TGS1: variants seen among roughly 807,000 people sequenced by gnomAD.
TGS1 encodes the protein trimethylguanosine synthase.
A neutral mutation model predicts 92.2 loss-of-function variants in TGS1; 69 were observed. The ratio of observed to expected loss-of-function variants is 0.75; its 90% CI spans 0.62 to 0.91. The LOEUF (loss-of-function observed/expected upper bound fraction) is 0.91, where lower values mean the gene tolerates loss of function less well. TGS1 is among the 40% of genes least tolerant of loss of function. TGS1 has a pLI of 0.00. For missense variants in TGS1, 1,062 were observed against 1,001.2 expected, an observed-to-expected ratio of 1.06 and a Z score of -0.82; for synonymous variants, 345 against 338.1, an observed-to-expected ratio of 1.02 and a Z score of -0.22.
At chr8:55,778,378 T>C (rs902701352) in intron 1 of TGS1, among the ~76,000 whole-genome samples, 3 of 152,188 alleles carry the variant, frequency 2.0e-5, no homozygotes, top group Non-Finnish European at 4.4e-5. Flanking sequence ...AGAACATGAT[T>C]TCATTGAATC....
chr8:55,816,725 T>C lies in TGS1; in HGVS notation c.2439+3607T>C, dbSNP rs578162001. Among the ~76,000 whole-genome samples the C allele has an allele frequency of 1.2e-3, 183 of 152,320 alleles. 1 individual carries two copies. The highest frequency in any genetic ancestry group is 4.2e-3 in the African/African-American group (173 of 41,572). ...ATGGCTTCCCCAGGCACATGTCATG[T>C]AACATTTGGGCAAGGCAAATCCTAC... On this transcript the variant is annotated intron_variant, in intron 12 of 12. Transcript: ENST00000260129.
intron 12 of TGS1, among the ~76,000 whole-genome samples, chr8:55,820,929 A>G (rs1053967846): frequency 1.2e-4 from 18 of 152,210 alleles, no homozygotes; most frequent in African/African-American, 4.3e-4. Flanking sequence ...TGTCAGCTAA[A>G]CCTTCTAGTG....
intron 10 of TGS1, among the ~76,000 whole-genome samples, chr8:55,805,319 T>C (rs1812335124): frequency 6.6e-6 from 1 of 152,072 alleles, no homozygotes; most frequent in African/African-American, 2.4e-5. Flanking sequence ...TCTGGAGATT[T>C]GTGACAAAAA....
intron 8 of TGS1, 67 bp downstream of exon 8, chr8:55,799,287 T>C: frequency 7.0e-7 from 1 of 1,422,016 alleles, no homozygotes; most frequent in Non-Finnish European, 9.3e-7. Context: ...ATATGTTTTT[T>C]CTTAGTTTTC....
chr8:55,788,819 C>G (rs1426203585), intron 4 of TGS1, among the ~76,000 whole-genome samples: 1 of 152,064 alleles, frequency 6.6e-6, no homozygotes, highest in African/African-American at 2.4e-5. Flanking sequence ...CTCCTGATAC[C>G]TTTCTGTACA....
chr8:55,801,678 T>C (rs1303358690), intron 8 of TGS1, among the ~76,000 whole-genome samples: 1 of 133,262 alleles, frequency 7.5e-6, no homozygotes, highest in Admixed American at 8.8e-5. Context: ...AAGCTCCGCC[T>C]CCCGGGTTCA....
At chr8:55,797,617 AC>A (rs775634237) in intron 7 of TGS1, among the ~76,000 whole-genome samples, 4 of 152,198 alleles carry the variant, frequency 2.6e-5, no homozygotes, top group Admixed American at 6.5e-5. Flanking sequence ...CATATATTGG[AC>A]TTTGCTATAC....
intron 8 of TGS1, among the ~76,000 whole-genome samples, chr8:55,799,642 A>G (rs1303057834): frequency 2.0e-5 from 3 of 152,216 alleles, no homozygotes; most frequent in Non-Finnish European, 2.9e-5. Context: ...CAGTGGCACA[A>G]TCACAGCTCA....
intron 5 of TGS1, among the ~76,000 whole-genome samples, chr8:55,791,996 G>A (rs2044817): frequency 0.16 from 23,758 of 152,128 alleles, 2,205 homozygotes; most frequent in African/African-American, 0.26. Context: ...TATAGCTTCT[G>A]GAAAAACAAG....
intron 6 of TGS1, 63 bp downstream of exon 6, chr8:55,792,847 C>G: frequency 9.9e-7 from 1 of 1,006,708 alleles, no homozygotes; most frequent in Non-Finnish European, 1.6e-6. Flanking sequence ...TCTTAGAGCA[C>G]TCTGATACTC....
At chr8:55,811,552 G>C (rs926389368) in intron 11 of TGS1, among the ~76,000 whole-genome samples, 2 of 151,922 alleles carry the variant, frequency 1.3e-5, no homozygotes, top group Non-Finnish European at 2.9e-5. Context: ...ACGAGGTCAG[G>C]AGATCGAGAC....
At chr8:55,774,356 A>G (rs149902779) in intron 1 of TGS1, among the ~76,000 whole-genome samples, 1 of 152,286 alleles carries the variant, frequency 6.6e-6, no homozygotes, top group Non-Finnish European at 1.5e-5. Context: ...TTTCATCTCT[A>G]TAACGGGTAT....
At position 55,820,069 on chromosome 8, in the gene TGS1, T is replaced by C. The variant is rs112873402; in HGVS notation, c.2440-4512T>C. Among the ~76,000 whole-genome samples the C allele has an allele frequency of 5.8e-3, 887 of 152,320 alleles. 4 individuals carry two copies. The highest frequency in any genetic ancestry group is 0.02 in the African/African-American group (833 of 41,566). On this transcript the variant is annotated intron_variant, in intron 12 of 12. Transcript: ENST00000260129. ...ACCACATTTCTGCGTATCATAGATA[T>C]AATCTCTTCCATGTAGTAATAGGGC...
chr8:55,776,277 C>CTTT (rs71256565), intron 1 of TGS1, among the ~76,000 whole-genome samples: 30 of 120,516 alleles, frequency 2.5e-4, no homozygotes, highest in African/African-American at 7.0e-4. Context: ...TTCACGGTGT[C>CTTT]TTTTTTTTTT....
chr8:55,788,336 A>G (rs993533788), intron 4 of TGS1, among the ~76,000 whole-genome samples: 2 of 152,148 alleles, frequency 1.3e-5, no homozygotes, highest in African/African-American at 4.8e-5. Flanking sequence ...TCCAGCTGAC[A>G]GTTTCTAAAG....
chr8:55,794,206 G>T (rs1044382982), intron 6 of TGS1, among the ~76,000 whole-genome samples: 13 of 152,056 alleles, frequency 8.5e-5, no homozygotes, highest in African/African-American at 2.9e-4. Context: ...TGTAACACAG[G>T]CAGGAGTGCA....
intron 11 of TGS1, among the ~76,000 whole-genome samples, chr8:55,812,693 T>C (rs1282500209): frequency 4.0e-5 from 6 of 151,454 alleles, no homozygotes; most frequent in African/African-American, 9.7e-5. Context: ...CAAAAATAAA[T>C]AAGCAGAGCC....
chr8:55,802,034 A>C (rs1250409246), intron 8 of TGS1, among the ~76,000 whole-genome samples: 1 of 152,172 alleles, frequency 6.6e-6, no homozygotes, highest in African/African-American at 2.4e-5. Flanking sequence ...CTCTACTAAA[A>C]TACAAAAAAA....
chr8:55,781,719 A>G (rs765147711), intron 1 of TGS1, among the ~76,000 whole-genome samples: 98 of 152,366 alleles, frequency 6.4e-4, no homozygotes, highest in Non-Finnish European at 8.7e-4. Flanking sequence ...CATTTAATAT[A>G]GTATCTCCAA....
Sources: gnomAD v4.1 joint callset for allele counts (sites outside exome capture counted in the v4.1 genomes callset) on GRCh38, gnomAD v4.1.1 for gene constraint, MANE v1.5 for transcripts, NCBI Gene and HGNC (gene_info 2026-07-23, HGNC 2026-07-21) for gene names.